The following PCDH9 variants were observed in gnomAD, a reference collection of about 807,000 sequenced individuals.
The protein encoded by PCDH9 is protocadherin-9.
In PCDH9, 24 loss-of-function variants were observed where a neutral mutation model predicts 70.6. The observed-to-expected ratio is 0.34, with a 90% confidence interval of 0.25 to 0.48. PCDH9 has a LOEUF of 0.48. Ranked by LOEUF, PCDH9 falls within the 20% of genes least tolerant of loss-of-function variation. The pLI is 0.99. For synonymous variants in PCDH9, 562 were observed against 558.5 expected, an observed-to-expected ratio of 1.01 and a Z score of -0.09; for missense variants, 1,281 against 1,503.6, an observed-to-expected ratio of 0.85 and a Z score of 2.45.
At chr13:66,845,874 A>C (rs993648732) in intron 3 of PCDH9, among the ~76,000 whole-genome samples, 2 of 152,214 alleles carry the variant, frequency 1.3e-5, no homozygotes, top group African/African-American at 2.4e-5. Context: ...ACTACTACTA[A>C]TAATAAATAG....
At chr13:67,204,966 T>C (rs182918464) in intron 2 of PCDH9, 5 of 152,278 alleles carry the variant, frequency 3.3e-5, no homozygotes, top group African/African-American at 9.6e-5. Context: ...AGTGTTGGCT[T>C]TTATGTTTGG....
At chr13:66,542,788 A>T (rs1321151225) in intron 4 of PCDH9, among the ~76,000 whole-genome samples, 3 of 147,280 alleles carry the variant, frequency 2.0e-5, no homozygotes, top group Non-Finnish European at 3.0e-5. Context: ...TATATATTTA[A>T]ATATATGTAT....
At chr13:66,748,456 T>A (rs1332750128) in intron 3 of PCDH9, among the ~76,000 whole-genome samples, 1 of 152,204 alleles carries the variant, frequency 6.6e-6, no homozygotes, top group Non-Finnish European at 1.5e-5. Context: ...AATATTCAAG[T>A]GTGTATAATT....
intron 2 of PCDH9, among the ~76,000 whole-genome samples, chr13:67,177,825 T>C (rs923606174): frequency 3.3e-5 from 5 of 152,084 alleles, no homozygotes; most frequent in Admixed American, 6.6e-5. Flanking sequence ...AATCTCAGCA[T>C]GTCCAAAATT....
chr13:66,518,119 C>A (rs1321694185), intron 4 of PCDH9, among the ~76,000 whole-genome samples: 1 of 151,968 alleles, frequency 6.6e-6, no homozygotes, highest in Non-Finnish European at 1.5e-5. Flanking sequence ...ATATGGGGAG[C>A]TTTTACTCAT....
At chr13:66,597,612 G>A (rs929918957) in intron 4 of PCDH9, among the ~76,000 whole-genome samples, 1 of 151,608 alleles carries the variant, frequency 6.6e-6, no homozygotes, top group African/African-American at 2.4e-5. Flanking sequence ...AACAAGACCC[G>A]AAACCATAAA....
In PCDH9 at chr13:67,085,113, T is replaced by A. The variant is rs115774828; in HGVS notation, c.3036+140292A>T. Among the ~76,000 whole-genome samples, 1,225 of 147,626 alleles carry A rather than the reference T, an allele frequency of 8.3e-3. 11 individuals are homozygous for A. The highest frequency in any genetic ancestry group is 0.028 in the African/African-American group (1,129 of 40,034). On this transcript the variant is annotated intron_variant, in intron 2 of 4. Transcript: ENST00000377865. ...TAACATATACCCTAACTGTTAGGGG[T>A]CAAATATTTGAAAATTTCATTCTCT...
At chr13:66,372,375 G>C (rs1006896714) in intron 4 of PCDH9, among the ~76,000 whole-genome samples, 3 of 151,930 alleles carry the variant, frequency 2.0e-5, no homozygotes, top group African/African-American at 7.2e-5. Flanking sequence ...ATTTAACTGA[G>C]AGAGAGCGAG....
intron 2 of PCDH9, among the ~76,000 whole-genome samples, chr13:67,182,113 T>C (rs2088632662): frequency 1.3e-5 from 2 of 152,160 alleles, no homozygotes; most frequent in African/African-American, 4.8e-5. Flanking sequence ...AACAACACAG[T>C]GATGGGTCTC....
At chr13:66,347,218 T>C (rs1956224214) in intron 4 of PCDH9, among the ~76,000 whole-genome samples, 1 of 152,226 alleles carries the variant, frequency 6.6e-6, no homozygotes, top group Admixed American at 6.5e-5. Context: ...CATTTTAATG[T>C]ATTCATGTTT....
chr13:67,176,101 T>A (rs1490922064), intron 2 of PCDH9, among the ~76,000 whole-genome samples: 1 of 152,194 alleles, frequency 6.6e-6, no homozygotes. Context: ...GGAAGCAAAG[T>A]TGGCCTCTGG....
intron 3 of PCDH9, among the ~76,000 whole-genome samples, chr13:66,674,897 T>A (rs1593874670): frequency 1.3e-5 from 2 of 152,106 alleles, no homozygotes; most frequent in East Asian, 3.8e-4. Context: ...ATGCTTCTGA[T>A]GGAATAAAGA....
chr13:67,139,703 G>A lies in PCDH9; in HGVS notation c.3036+85702C>T, dbSNP rs190370149. Among the ~76,000 whole-genome samples the A allele has an allele frequency of 8.1e-4, 123 of 152,248 alleles. 1 individual carries two copies. The highest frequency in any genetic ancestry group is 1.3e-3 in the Non-Finnish European group (89 of 68,028). On this transcript the variant is annotated intron_variant, in intron 2 of 4. Transcript: ENST00000377865. Reference sequence around the variant, plus strand: ...ACATCTGGTTACCCAATCCAGTTGAGAGGCAATCATAATAGGTTCAGGTTT... The same window carrying A: ...ACATCTGGTTACCCAATCCAGTTGAAAGGCAATCATAATAGGTTCAGGTTT...
At chr13:66,667,533 C>T (rs1311710409) in intron 3 of PCDH9, among the ~76,000 whole-genome samples, 3 of 152,098 alleles carry the variant, frequency 2.0e-5, no homozygotes, top group Non-Finnish European at 4.4e-5. Context: ...GGCCCATGGA[C>T]CTAGTGGAGC....
At chr13:67,045,984 T>A (rs1378401461) in intron 2 of PCDH9, among the ~76,000 whole-genome samples, 1 of 152,032 alleles carries the variant, frequency 6.6e-6, no homozygotes, top group African/African-American at 2.4e-5. Context: ...AAAGGAAGAG[T>A]GTTTAACTAT....
chr13:66,915,785 C>T (rs905806015), intron 2 of PCDH9, among the ~76,000 whole-genome samples: 2 of 151,678 alleles, frequency 1.3e-5, no homozygotes, highest in African/African-American at 4.8e-5. Context: ...GATTCATCCT[C>T]TTGACACTGA....
At chr13:66,561,622 G>A (rs1962040213) in intron 4 of PCDH9, among the ~76,000 whole-genome samples, 1 of 152,162 alleles carries the variant, frequency 6.6e-6, no homozygotes, top group Non-Finnish European at 1.5e-5. Context: ...GTTTGTGAAT[G>A]CACCAATCCA....
rs1340537023 is a variant in PCDH9, at chr13:66,408,683, A to C, written c.3341-103655T>G. On this transcript the variant is annotated intron_variant, in intron 4 of 4. Transcript: ENST00000377865. ...CATATTTTTCTCTTCTTCCTATCCC[A>C]CACTGCTTTACCCCACTCTCTCTTT... Among the ~76,000 whole-genome samples the C allele has an allele frequency of 2.6e-5, 4 of 151,704 alleles. No homozygotes were observed. In the East Asian group the frequency reaches 7.7e-4, roughly 29 times the overall value.
chr13:66,604,303 T>A (rs2077196851), intron 4 of PCDH9, among the ~76,000 whole-genome samples: 1 of 152,026 alleles, frequency 6.6e-6, no homozygotes, highest in Non-Finnish European at 1.5e-5. Flanking sequence ...ATGATTGTTT[T>A]ATACTGTAAG....
Sources: gnomAD v4.1 joint callset for allele counts (sites outside exome capture counted in the v4.1 genomes callset) on GRCh38, gnomAD v4.1.1 for gene constraint, MANE v1.5 for transcripts, NCBI Gene and HGNC (gene_info 2026-07-23, HGNC 2026-07-21) for gene names.